Variants in NDST4 observed in about 807,000 individuals in gnomAD.
NDST4 encodes the protein N-deacetylase and N-sulfotransferase 4, also known as N-heparan sulfate sulfotransferase 4.
A neutral mutation model predicts 100.8 loss-of-function variants in NDST4; 63 were observed. The observed-to-expected ratio is 0.62, with a 90% CI of 0.51 to 0.77. NDST4 has a LOEUF of 0.77. Among genes scored for constraint, NDST4 ranks in the 30% least tolerant of loss-of-function variants. NDST4 has a pLI of 0.00. For synonymous variants in NDST4, 377 were observed against 361.8 expected, an observed-to-expected ratio of 1.04 and a Z score of -0.48; for missense variants, 943 against 1,018.4, an observed-to-expected ratio of 0.93 and a Z score of 1.01.
chr4:115,055,718 C>A (rs1728679822), intron 2 of NDST4, among the ~76,000 whole-genome samples: 1 of 152,010 alleles, frequency 6.6e-6, no homozygotes, highest in African/African-American at 2.4e-5. Context: ...TAATACTTGA[C>A]TCTGTAGGTT....
chr4:114,886,463 G>T (rs1724479775), intron 6 of NDST4, among the ~76,000 whole-genome samples: 1 of 152,054 alleles, frequency 6.6e-6, no homozygotes, highest in Admixed American at 6.6e-5. Flanking sequence ...TCATCTGCAA[G>T]TTATTCATTA....
At position 114,931,436 on chromosome 4, in the gene NDST4, T is replaced by C. The variant is rs190936586; in HGVS notation, c.1536+3770A>G. ...AGATATCAGATAAAAAGCTTAATTT[T>C]ATATCTCAAGGAACTAGTCAAAGAA... On this transcript the variant is annotated intron_variant, in intron 6 of 13. Coordinates refer to ENST00000264363, the MANE Select transcript of NDST4 (RefSeq NM_022569.3). Among the ~76,000 whole-genome samples, 373 of 151,346 alleles carry C rather than the reference T, an allele frequency of 2.5e-3. 5 individuals carry two copies. The highest frequency in any genetic ancestry group is 8.6e-3 in the African/African-American group (355 of 41,376).
chr4:114,974,975 C>G (rs1006052224), intron 3 of NDST4, among the ~76,000 whole-genome samples: 1 of 152,066 alleles, frequency 6.6e-6, no homozygotes, highest in Admixed American at 6.6e-5. Context: ...ACAGTCAGTC[C>G]GACAAGGCCA....
intron 6 of NDST4, among the ~76,000 whole-genome samples, chr4:114,883,661 G>T (rs1661653132): frequency 6.6e-6 from 1 of 152,058 alleles, no homozygotes; most frequent in African/African-American, 2.4e-5. Context: ...ACAAGACCCA[G>T]ATATTTGTTG....
Position 114,839,397 on chromosome 4 carries a change from G to C in NDST4, c.2267C>G (p.Thr756Ser). Residue 756 changes from threonine (T) to serine (S), a missense_variant, in exon 11 of 14, where the codon ACT becomes AGT. Around this residue, in one of 2 missense-constraint regions of NDST4, gnomAD observed 526 missense variants for 634.1 expected, o/e 0.83. Coordinates refer to ENST00000264363, the MANE Select transcript of NDST4 (RefSeq NM_022569.3). ...CATTACCTGAGAAGTAGCAAAGTAA[G>C]TTAGCCATCTTTCTATGTGGACTGC... ...WYAVHIERWLTYFATSQLLII... is the reference protein window; with the variant it reads ...WYAVHIERWLSYFATSQLLII... 1.2e-6 allele frequency: 2 copies of C among 1,611,652 alleles called. No homozygotes were observed. Among genetic ancestry groups the C allele is most frequent in the Non-Finnish European group, 1.7e-6 (2 of 1,178,556 alleles).
intron 1 of NDST4, among the ~76,000 whole-genome samples, chr4:115,111,811 C>T (rs539351114): frequency 9.2e-5 from 14 of 151,810 alleles, no homozygotes; most frequent in African/African-American, 2.9e-4. Flanking sequence ...GCTTAGTATT[C>T]AATTTCTAAA....
intron 4 of NDST4, among the ~76,000 whole-genome samples, chr4:114,966,196 AC>A (rs1726378490): frequency 4.6e-5 from 7 of 152,072 alleles, no homozygotes; most frequent in Admixed American, 2.6e-4. Context: ...TAATACATCC[AC>A]ACACATGTAC....
At chr4:115,027,657 T>A (rs1728016418) in intron 2 of NDST4, among the ~76,000 whole-genome samples, 1 of 152,174 alleles carries the variant, frequency 6.6e-6, no homozygotes, top group Non-Finnish European at 1.5e-5. Flanking sequence ...ATTGATTTTG[T>A]AATTTCATAC....
chr4:114,865,890 A>G (rs1262500873), intron 7 of NDST4, among the ~76,000 whole-genome samples: 1 of 152,206 alleles, frequency 6.6e-6, no homozygotes, highest in Non-Finnish European at 1.5e-5. Context: ...ATCATGAGAA[A>G]TTATTGCCAT....
chr4:114,881,865 A>G (rs1038518454), intron 6 of NDST4, among the ~76,000 whole-genome samples: 4 of 152,140 alleles, frequency 2.6e-5, no homozygotes, highest in Non-Finnish European at 5.9e-5. Flanking sequence ...CTACATGTAA[A>G]TCATACTAAA....
At chr4:114,971,447 A>G (rs1726512637) in intron 3 of NDST4, among the ~76,000 whole-genome samples, 6 of 152,126 alleles carry the variant, frequency 3.9e-5, no homozygotes, top group Admixed American at 3.9e-4. Flanking sequence ...CAGCTATCCA[A>G]GAATATCCAC....
intron 2 of NDST4, among the ~76,000 whole-genome samples, chr4:115,056,842 AAG>A (rs1334058589): frequency 2.1e-4 from 32 of 152,320 alleles, no homozygotes; most frequent in Non-Finnish European, 2.8e-4. Flanking sequence ...ATTATAGAAA[AAG>A]AAATCCTTCA....
chr4:115,072,867 T>C (rs1318825399), intron 2 of NDST4, among the ~76,000 whole-genome samples: 2 of 151,746 alleles, frequency 1.3e-5, no homozygotes, highest in Non-Finnish European at 2.9e-5. Flanking sequence ...TATACAGCAA[T>C]GGAAGCAACA....
At chr4:114,955,532 A>G (rs906719235) in intron 4 of NDST4, among the ~76,000 whole-genome samples, 1 of 152,104 alleles carries the variant, frequency 6.6e-6, no homozygotes, top group African/African-American at 2.4e-5. Context: ...CTGAGAATGG[A>G]CTCAAAAGGC....
At chr4:114,984,641 A>T in intron 2 of NDST4, among the ~76,000 whole-genome samples, 1 of 152,184 alleles carries the variant, frequency 6.6e-6, no homozygotes, top group Middle Eastern at 3.4e-3. Context: ...TTTTCCAGGT[A>T]AAAAATATTG....
chr4:114,929,022 ATCTGTCTGTCTG>A (rs751296369), intron 6 of NDST4, among the ~76,000 whole-genome samples: 5 of 139,966 alleles, frequency 3.6e-5, no homozygotes, highest in Non-Finnish European at 7.7e-5. Flanking sequence ...ATCCCTATCT[ATCTGTCTGTCTG>A]TCTGTCTGTC....
intron 2 of NDST4, among the ~76,000 whole-genome samples, chr4:115,003,503 C>A (rs2126256865): frequency 6.6e-6 from 1 of 151,402 alleles, no homozygotes; most frequent in Admixed American, 6.6e-5. Context: ...TTCACCTTTG[C>A]CTGGAAATCT....
At chr4:115,012,584 C>T (rs1727573936) in intron 2 of NDST4, among the ~76,000 whole-genome samples, 2 of 151,948 alleles carry the variant, frequency 1.3e-5, no homozygotes, top group African/African-American at 2.4e-5. Flanking sequence ...ATTTAAATGT[C>T]TTTTCAATTC....
At chr4:115,033,383 TG>T (rs570774012) in intron 2 of NDST4, among the ~76,000 whole-genome samples, 125 of 151,790 alleles carry the variant, frequency 8.2e-4, no homozygotes, top group Non-Finnish European at 1.5e-3. Context: ...CTCAAAGTGC[TG>T]GGATTACAGG....
Sources: allele counts gnomAD v4.1 joint callset (sites outside exome capture counted in the v4.1 genomes callset), GRCh38; gene constraint gnomAD v4.1.1; regional missense constraint gnomAD v4.1.1; transcripts MANE v1.5; gene names NCBI Gene and HGNC (gene_info 2026-07-23, HGNC 2026-07-21).